PDCD1LG2: variants seen among roughly 807,000 people sequenced by gnomAD.
PDCD1LG2 encodes B7 dendritic cell molecule.
Under a neutral mutation model 28.2 loss-of-function variants are expected in PDCD1LG2, and 32 were observed. The observed-to-expected ratio is 1.13, with a 90% confidence interval of 0.86 to 1.52. PDCD1LG2 has a LOEUF of 1.52. PDCD1LG2 is among the 40% of genes most tolerant of loss of function. The probability of loss-of-function intolerance (pLI) is 0.00; values close to 1 mark genes in which losing one functional copy is unlikely to be tolerated. For missense variants in PDCD1LG2, 385 were observed against 323.8 expected (o/e 1.19, Z -1.45); for synonymous variants, 116 against 120.2 (o/e 0.97, Z 0.23).
rs1357869188 is a variant in PDCD1LG2 at position 5,569,607 on chromosome 9, T to C, written c.817-347T>C. On this transcript the variant is annotated intron_variant, in intron 6 of 6. Coordinates refer to ENST00000397747, the MANE Select transcript of PDCD1LG2 (RefSeq NM_025239.4). This position sits in a 1 kb window ranked among gnomAD's most constrained non-coding sequence, Gnocchi z 4.1. ...GAATAGAGTGCAGCAGGGTGAATAA[T>C]GAGTCTGCAGGAATTAATAGAAATA... Among the ~76,000 whole-genome samples the C allele has an allele frequency of 6.6e-6, 1 of 152,126 alleles. No homozygotes were observed. Among genetic ancestry groups the C allele is most frequent in the African/African-American group, 2.4e-5 (1 of 41,418 alleles).
Position 5,524,060 on chromosome 9 carries a change from C to T in PDCD1LG2, c.55+1459C>T, listed in dbSNP as rs929362382. ...AATGGGGCAAAAGGAAGAGCATTTA[C>T]ATTTATTGAAGATTCACTAAATGCC... On this transcript the variant is annotated intron_variant, in intron 2 of 6. Transcript: ENST00000397747. Among the ~76,000 whole-genome samples, 9 of 152,324 alleles carry T rather than the reference C, an allele frequency of 5.9e-5. No homozygotes were observed. In the South Asian group the frequency reaches 1.9e-3, roughly 32 times the overall value.
chr9:5,536,058 G>A (rs117409046), intron 3 of PDCD1LG2, among the ~76,000 whole-genome samples: 1 of 152,062 alleles, frequency 6.6e-6, no homozygotes, highest in Non-Finnish European at 1.5e-5. Context: ...GTGGGTTTTG[G>A]CCCCAAAAAA....
intron 2 of PDCD1LG2, 79 bp downstream of exon 2, chr9:5,522,680 G>T: frequency 7.5e-7 from 1 of 1,326,806 alleles, no homozygotes; most frequent in East Asian, 2.3e-5. Flanking sequence ...TGAGAATGTG[G>T]CCCTCAGGCT....
At chr9:5,536,801 G>A (rs1356654862) in intron 3 of PDCD1LG2, among the ~76,000 whole-genome samples, 4 of 152,180 alleles carry the variant, frequency 2.6e-5, no homozygotes, top group East Asian at 1.9e-4. Context: ...ATGGGCACAG[G>A]CAGTTTTAGG....
intron 4 of PDCD1LG2, among the ~76,000 whole-genome samples, chr9:5,554,482 A>T (rs1041953355): frequency 6.6e-6 from 1 of 152,196 alleles, no homozygotes; most frequent in Admixed American, 6.5e-5. Context: ...TGAGCTGTGG[A>T]CTGCTGTGAC....
At chr9:5,522,698 T>TC in intron 2 of PDCD1LG2, 97 bp downstream of exon 2, 1 of 1,054,058 alleles carries the variant, frequency 9.5e-7, no homozygotes, top group South Asian at 1.4e-5. Context: ...GCTGAGGGCT[T>TC]TCTTTGAGAG....
At chr9:5,517,289 T>C (rs986435938) in intron 1 of PDCD1LG2, among the ~76,000 whole-genome samples, 5 of 152,214 alleles carry the variant, frequency 3.3e-5, no homozygotes, top group African/African-American at 9.6e-5. Context: ...CAGCAAGGTC[T>C]TCCCTTAGGG....
chr9:5,534,608 G>T lies in PDCD1LG2; in HGVS notation c.56-137G>T, dbSNP rs139767711. 295 of 723,864 alleles carry T rather than the reference G, an allele frequency of 4.1e-4. 1 individual carries two copies. In the African/African-American group the frequency reaches 4.7e-3, roughly 12 times the overall value. The allele number at this position is 723,864 out of a possible 1,614,324, so 44.8% of individuals were successfully genotyped here. A position where few individuals can be genotyped will look rare whatever the true frequency, so the allele number is the denominator to read the frequency against. On this transcript the variant is annotated intron_variant, in intron 2 of 6. Coordinates refer to ENST00000397747, the MANE Select transcript of PDCD1LG2 (RefSeq NM_025239.4). ...GATGGATGGGGCAAAGGAGAAAAAG[G>T]ATTCGCCACGGGAATGTCCAGATAA...
chr9:5,570,122 AC>A lies in PDCD1LG2; in HGVS notation c.*165del, dbSNP rs1816743142. On this transcript the variant is annotated 3_prime_UTR_variant, in exon 7 of 7. Transcript: ENST00000397747. ...GAAACCTGCAACAAGACTAGCCAAC[AC>A]CTGGCCATGAAACTTGCCCCTTCAC... 1.1e-6 allele frequency: 1 copy of A among 881,454 alleles called. No individual in the cohort carries two copies. Among genetic ancestry groups the A allele is most frequent in the African/African-American group, 1.7e-5 (1 of 59,546 alleles). 54.6% of individuals were successfully genotyped at this position (881,454 alleles called of 1,614,324 possible). A position where few individuals can be genotyped will look rare whatever the true frequency, so the allele number is the denominator to read the frequency against.
Position 5,534,977 on chromosome 9 carries a change from C to CGAAG in PDCD1LG2, c.291_294dup (p.Gln99ArgfsTer41). ...ACATACCTCAAGTCCAAGTGAGGGA[C>CGAAG]GAAGGACAGTACCAATGCATAATCA... is the stretch of plus-strand genomic sequence containing the variant. On this transcript the variant is annotated frameshift_variant, in exon 3 of 7. Coordinates refer to ENST00000397747, the MANE Select transcript of PDCD1LG2 (RefSeq NM_025239.4). LOFTEE classifies it high-confidence loss of function. The CGAAG allele has an allele frequency of 6.2e-7, 1 of 1,614,016 alleles. No individual in the cohort carries two copies. Among genetic ancestry groups the CGAAG allele is most frequent in the Non-Finnish European group, 8.5e-7 (1 of 1,179,968 alleles).
intron 3 of PDCD1LG2, among the ~76,000 whole-genome samples, chr9:5,543,538 CAAAAAA>C (rs139524609): frequency 1.4e-5 from 1 of 73,692 alleles, no homozygotes; most frequent in Non-Finnish European, 2.8e-5. Context: ...GACTCCGTCT[CAAAAAA>C]AAAAAAAAAA....
chr9:5,549,692 A>G lies in PDCD1LG2; in HGVS notation c.631+88A>G, dbSNP rs1346230651. On this transcript the variant is annotated intron_variant, in intron 4 of 6. Transcript: ENST00000397747. ...ACTCGAGTGATTTGAGGAGAGTGTA[A>G]TAAAGGGACTGTTTACAAAGGTGTG... 5 of 1,477,538 alleles carry G rather than the reference A, an allele frequency of 3.4e-6. No individual in the cohort carries two copies. The African/African-American group carries it at 7.0e-5, about 21-fold the overall frequency. The allele number at this position is 1,477,538 out of a possible 1,614,324, so 91.5% of individuals were successfully genotyped here.
Position 5,570,508 on chromosome 9 carries a change from T to C in PDCD1LG2, c.*549T>C, listed in dbSNP as rs545787797. On this transcript the variant is annotated 3_prime_UTR_variant, in exon 7 of 7. Coordinates refer to ENST00000397747, the MANE Select transcript of PDCD1LG2 (RefSeq NM_025239.4). ...CTGGAATCTTGATAGCATAATGAAG[T>C]TGTTCTAATTAACAGAGAGCATTTA... The C allele has an allele frequency of 1.7e-5, 4 of 233,418 alleles. No individual in the cohort carries two copies. The highest frequency in any genetic ancestry group is 3.4e-5 in the Non-Finnish European group (4 of 118,276). 14.5% of individuals were successfully genotyped at this position (233,418 alleles called of 1,614,324 possible).
At chr9:5,544,632 C>G (rs1424760698) in intron 3 of PDCD1LG2, among the ~76,000 whole-genome samples, 1 of 152,134 alleles carries the variant, frequency 6.6e-6, no homozygotes, top group Non-Finnish European at 1.5e-5. Flanking sequence ...GCACACACAC[C>G]TTGTGTATTG....
intron 1 of PDCD1LG2, among the ~76,000 whole-genome samples, chr9:5,521,901 A>G (rs1820281731): frequency 6.6e-6 from 1 of 152,180 alleles, no homozygotes; most frequent in Non-Finnish European, 1.5e-5. Flanking sequence ...AGGAGAAAGC[A>G]TGGGAGGTAC....
chr9:5,549,963 C>G (rs1250207442), intron 4 of PDCD1LG2, among the ~76,000 whole-genome samples: 3 of 152,210 alleles, frequency 2.0e-5, no homozygotes, highest in Non-Finnish European at 4.4e-5. Flanking sequence ...GCTAGCACCT[C>G]CCATTGGCTG....
At chr9:5,543,050 AATC>A (rs1820717116) in intron 3 of PDCD1LG2, among the ~76,000 whole-genome samples, 1 of 152,186 alleles carries the variant, frequency 6.6e-6, no homozygotes. Context: ...AAAGGAATGA[AATC>A]ATAGCATTTG....
intron 2 of PDCD1LG2, among the ~76,000 whole-genome samples, chr9:5,530,266 T>G (rs1820457191): frequency 6.6e-6 from 1 of 152,174 alleles, no homozygotes; most frequent in South Asian, 2.1e-4. Context: ...TTTTCATGCT[T>G]TTGCCAAGTC....
chr9:5,557,848 C>T (rs2129924130), intron 5 of PDCD1LG2, 96 bp downstream of exon 5: 1 of 1,445,076 alleles, frequency 6.9e-7, no homozygotes, highest in Admixed American at 1.8e-5. Flanking sequence ...TGCTTTCATG[C>T]TAAACCCACT....
Sources: gnomAD v4.1 joint callset for allele counts (sites outside exome capture counted in the v4.1 genomes callset) on GRCh38, gnomAD v4.1.1 for gene constraint, Gnocchi (gnomAD v3.1) non-coding constraint, MANE v1.5 for transcripts, NCBI Gene and HGNC (gene_info 2026-07-23, HGNC 2026-07-21) for gene names.